ARHGEF10: variants seen among roughly 807,000 people sequenced by gnomAD.
The protein encoded by ARHGEF10 is Rho guanine nucleotide exchange factor (GEF) 10.
A neutral mutation model predicts 147.4 loss-of-function variants in ARHGEF10; 140 were observed. The observed-to-expected ratio is 0.95, with a 90% CI of 0.83 to 1.09. The LOEUF (loss-of-function observed/expected upper bound fraction) is 1.09. Ranked by LOEUF, ARHGEF10 falls within the 50% of genes least tolerant of loss-of-function variation. The pLI is 0.00. For synonymous variants in ARHGEF10, 902 were observed against 695.8 expected, an observed-to-expected ratio of 1.30 and a Z score of -4.67; for missense variants, 2,222 against 1,752.7, an observed-to-expected ratio of 1.27 and a Z score of -4.78.
intron 4 of ARHGEF10, among the ~76,000 whole-genome samples, chr8:1,860,626 A>G (rs554342163): frequency 6.6e-6 from 1 of 152,272 alleles, no homozygotes; most frequent in East Asian, 1.9e-4. Flanking sequence ...GCCAGGGTGT[A>G]TGGTTTGGAA....
chr8:1,899,148 C>T (rs1810257512), intron 15 of ARHGEF10, among the ~76,000 whole-genome samples: 1 of 152,180 alleles, frequency 6.6e-6, no homozygotes, highest in Admixed American at 6.5e-5. Flanking sequence ...CGTGACGTCT[C>T]ACAGCGGACG....
At chr8:1,831,499 C>T (rs1274470353) in intron 1 of ARHGEF10, among the ~76,000 whole-genome samples, 1 of 141,090 alleles carries the variant, frequency 7.1e-6, no homozygotes. Flanking sequence ...GACAGTGTGA[C>T]GGCCGTGGAG....
At chr8:1,882,955 C>G (rs1361694195) in intron 10 of ARHGEF10, among the ~76,000 whole-genome samples, 1 of 152,150 alleles carries the variant, frequency 6.6e-6, no homozygotes, top group Non-Finnish European at 1.5e-5. Flanking sequence ...CCGAGGGCAC[C>G]CAGCAGCAGA....
intron 1 of ARHGEF10, among the ~76,000 whole-genome samples, chr8:1,826,331 C>T (rs918347547): frequency 2.6e-5 from 4 of 151,884 alleles, no homozygotes; most frequent in Admixed American, 1.3e-4. Flanking sequence ...TGTGTGCATA[C>T]GTGTGCGTGT....
chr8:1,832,917 GGCAGAGACAGAGGCAGAGACAGAA>G (rs1803285260), intron 1 of ARHGEF10, among the ~76,000 whole-genome samples: 3 of 109,236 alleles, frequency 2.7e-5, no homozygotes, highest in Non-Finnish European at 5.9e-5. Flanking sequence ...GACAGACAGA[GGCAGAGACAGAGGCAGAGACAGAA>G]GCAGAGACAG....
At chr8:1,838,462 C>T (rs902360291) in intron 1 of ARHGEF10, among the ~76,000 whole-genome samples, 3 of 152,268 alleles carry the variant, frequency 2.0e-5, no homozygotes, top group Admixed American at 6.5e-5. Context: ...GGGGAGAAGC[C>T]ATCCCTTTCT....
intron 2 of ARHGEF10, among the ~76,000 whole-genome samples, chr8:1,851,879 A>G (rs1023697982): frequency 6.6e-6 from 1 of 151,446 alleles, no homozygotes; most frequent in Non-Finnish European, 1.5e-5. Context: ...GCAATACTGC[A>G]CTCCAGCGCG....
At chr8:1,899,961 C>T (rs1033229623) in intron 15 of ARHGEF10, among the ~76,000 whole-genome samples, 2 of 152,144 alleles carry the variant, frequency 1.3e-5, no homozygotes, top group South Asian at 2.1e-4. Context: ...GCCCACATGC[C>T]CTGTGTTTAG....
intron 15 of ARHGEF10, among the ~76,000 whole-genome samples, chr8:1,902,479 G>C (rs1449266902): frequency 6.6e-6 from 1 of 152,086 alleles, no homozygotes; most frequent in Non-Finnish European, 1.5e-5. Context: ...ACCTTAACTG[G>C]GAGAAGAGGT....
intron 25 of ARHGEF10, among the ~76,000 whole-genome samples, chr8:1,930,102 G>C (rs1163827339): frequency 6.6e-6 from 1 of 151,998 alleles, no homozygotes; most frequent in African/African-American, 2.4e-5. Flanking sequence ...AGCTTCCTTG[G>C]TGCTGGCTGA....
chr8:1,877,220 CTTTCTTTTTTCTT>C (rs955898233), intron 8 of ARHGEF10, among the ~76,000 whole-genome samples: 3 of 152,060 alleles, frequency 2.0e-5, no homozygotes, highest in African/African-American at 7.2e-5. Flanking sequence ...TGTGACAATC[CTTTCTTTTTTCTT>C]TTTCTTTTTT....
intron 27 of ARHGEF10, among the ~76,000 whole-genome samples, chr8:1,949,734 T>G (rs2280821): frequency 0.5 from 75,880 of 151,682 alleles, 19,318 homozygotes; most frequent in East Asian, 0.79. Flanking sequence ...GGGAATTCAG[T>G]AAATGAAACC....
chr8:1,825,010 T>C (rs1585184301), intron 1 of ARHGEF10, among the ~76,000 whole-genome samples: 2 of 30,652 alleles, frequency 6.5e-5, no homozygotes, highest in South Asian at 2.0e-3. Flanking sequence ...CCCACCTGTT[T>C]ACTCTGCACC....
chr8:1,944,756 C>G (rs1814424220), intron 26 of ARHGEF10, among the ~76,000 whole-genome samples: 1 of 152,230 alleles, frequency 6.6e-6, no homozygotes, highest in South Asian at 2.1e-4. Flanking sequence ...AGCCCTCACC[C>G]TCTGTCACCC....
chr8:1,920,279 A>T (rs144877683), intron 18 of ARHGEF10, among the ~76,000 whole-genome samples: 11 of 152,368 alleles, frequency 7.2e-5, no homozygotes, highest in African/African-American at 2.6e-4. Context: ...AAAAGAAGTC[A>T]ACTAATTAAT....
At chr8:1,829,493 T>A (rs771339324) in intron 1 of ARHGEF10, among the ~76,000 whole-genome samples, 1 of 152,222 alleles carries the variant, frequency 6.6e-6, no homozygotes, top group African/African-American at 2.4e-5. Context: ...ACTCATGCTT[T>A]GTTCTCAAGC....
At chr8:1,864,499 G>A in intron 5 of ARHGEF10, 63 bp downstream of exon 5, 3 of 1,538,042 alleles carry the variant, frequency 2.0e-6, no homozygotes, top group Non-Finnish European at 2.7e-6. Flanking sequence ...AGCTGGACGT[G>A]GGGATCCTGG....
chr8:1,850,856 A>G (rs1805079105), intron 2 of ARHGEF10, among the ~76,000 whole-genome samples: 1 of 152,190 alleles, frequency 6.6e-6, no homozygotes, highest in South Asian at 2.1e-4. Context: ...ACAGTGGAAC[A>G]TTCAGTGCTA....
Position 1,913,654 on chromosome 8 carries a change from C to A in ARHGEF10, c.2143+4184C>A, listed in dbSNP as rs187021887. On this transcript the variant is annotated intron_variant, in intron 18 of 28. Coordinates refer to ENST00000349830, the MANE Select transcript of ARHGEF10 (RefSeq NM_014629.4). ...GCACTGGCAGCTTGCCTAGAAGGGG[C>A]CCTGCAGCTTCCAGAAGGCCGCTGC... 1.8e-3 allele frequency among the ~76,000 whole-genome samples: 270 copies of A among 152,294 alleles called. 2 individuals carry two copies. The highest frequency in any genetic ancestry group is 5.9e-3 in the African/African-American group (246 of 41,562).
Sources: gnomAD v4.1 joint callset for allele counts (sites outside exome capture counted in the v4.1 genomes callset) on GRCh38, gnomAD v4.1.1 for gene constraint, MANE v1.5 for transcripts, NCBI Gene and HGNC (gene_info 2026-07-23, HGNC 2026-07-21) for gene names.